The following SDK1 variants were observed in gnomAD, a reference collection of about 807,000 sequenced individuals.
SDK1 encodes protein sidekick-1.
In SDK1, 157 loss-of-function variants were observed where a neutral mutation model predicts 245.5. That is an observed-to-expected ratio of 0.64 (90% CI 0.56 to 0.73). The LOEUF (loss-of-function observed/expected upper bound fraction) is 0.73. Ranked by LOEUF, SDK1 falls within the 30% of genes least tolerant of loss-of-function variation. SDK1 has a pLI of 0.00. For missense variants in SDK1, 3,583 were observed against 3,002.3 expected (o/e 1.19, Z -4.52); for synonymous variants, 1,647 against 1,278.5 (o/e 1.29, Z -6.15).
chr7:3,509,437 C>A (rs1457137116), intron 1 of SDK1, among the ~76,000 whole-genome samples: 2 of 152,180 alleles, frequency 1.3e-5, no homozygotes, highest in Admixed American at 1.3e-4. Flanking sequence ...TGATAATACA[C>A]ACCTTCTTAG....
intron 4 of SDK1, among the ~76,000 whole-genome samples, chr7:3,820,019 C>G (rs1779604805): frequency 6.6e-6 from 1 of 152,156 alleles, no homozygotes; most frequent in Non-Finnish European, 1.5e-5. Flanking sequence ...ACACAACTCA[C>G]TCTAGAGACC....
intron 28 of SDK1, among the ~76,000 whole-genome samples, chr7:4,140,626 C>T (rs889193528): frequency 6.6e-6 from 1 of 152,152 alleles, no homozygotes; most frequent in Non-Finnish European, 1.5e-5. Flanking sequence ...GGGCTCGATG[C>T]CGAGGGACCC....
Position 3,969,292 on chromosome 7 carries a change from C to G in SDK1, c.1582C>G (p.Pro528Ala). The change falls in exon 11 of 45, where the codon CCT (proline) becomes GCT (alanine). Residue 528 changes from proline to alanine, a missense_variant. Pro to Ala is a conservative substitution (Grantham distance 27). Transcript: ENST00000404826. Reference protein sequence around the residue: ...HILASGSVRIPRFMLLESGGL... With the variant: ...HILASGSVRIARFMLLESGGL... Reference sequence around the variant, plus strand: ...TCTGGCCAGTGGCTCTGTCCGGATTCCTAGGTTCATGCTTCTTGAATCGGG... The same window carrying G: ...TCTGGCCAGTGGCTCTGTCCGGATTGCTAGGTTCATGCTTCTTGAATCGGG... The G allele has an allele frequency of 1.2e-6, 2 of 1,609,926 alleles. No homozygotes were observed. The highest frequency in any genetic ancestry group is 8.5e-7 in the Non-Finnish European group (1 of 1,178,186).
intron 13 of SDK1, 151 bp from the exon 14 acceptor site, chr7:3,987,035 G>A (rs755710009): frequency 1.4e-6 from 1 of 716,608 alleles, no homozygotes; most frequent in African/African-American, 1.8e-5. Context: ...TTTTCTGGGG[G>A]GAAGAGAGTT....
chr7:4,001,112 C>T (rs1241069993), intron 14 of SDK1, among the ~76,000 whole-genome samples: 2 of 152,152 alleles, frequency 1.3e-5, no homozygotes, highest in Admixed American at 6.5e-5. Flanking sequence ...TAACTTCCTG[C>T]GTGGGAGTGC....
chr7:4,104,955 C>A (rs1047354304), intron 22 of SDK1, among the ~76,000 whole-genome samples: 1 of 151,954 alleles, frequency 6.6e-6, no homozygotes, highest in Admixed American at 6.6e-5. Flanking sequence ...GATCCTCCTG[C>A]CATGTCTCCC....
At chr7:3,420,758 T>G (rs919969728) in intron 1 of SDK1, among the ~76,000 whole-genome samples, 1 of 152,186 alleles carries the variant, frequency 6.6e-6, no homozygotes, top group Non-Finnish European at 1.5e-5. Flanking sequence ...TTTTTAAAAT[T>G]TAATTTTAAG....
At chr7:3,321,179 TA>T (rs1273624508) in intron 1 of SDK1, among the ~76,000 whole-genome samples, 27 of 152,194 alleles carry the variant, frequency 1.8e-4, no homozygotes, top group Non-Finnish European at 2.2e-4. Flanking sequence ...AAAAATCCTT[TA>T]AAAAATTCAC....
rs557845855 is a variant in SDK1, at chr7:3,641,987, A to G, written c.595A>G (p.Arg199Gly). 11 of 1,614,082 alleles carry G rather than the reference A, an allele frequency of 6.8e-6. No homozygotes were observed. In the South Asian group the frequency reaches 9.9e-5, roughly 15 times the overall value. ...YMGSFMDTDQ[R>G]KTVSQGRAAI... Reference sequence around the variant, plus strand: ...GGGAAGTTTCATGGATACGGACCAGAGGAAAACAGTTTCTCAAGGACGTGC... The same window carrying G: ...GGGAAGTTTCATGGATACGGACCAGGGGAAAACAGTTTCTCAAGGACGTGC... Residue 199 changes from arginine (R) to glycine (G), a missense_variant, in exon 4 of 45, where the codon AGG becomes GGG. Coordinates refer to ENST00000404826, the MANE Select transcript of SDK1 (RefSeq NM_152744.4).
intron 4 of SDK1, among the ~76,000 whole-genome samples, chr7:3,803,865 C>T (rs1188565526): frequency 2.7e-5 from 4 of 146,752 alleles, no homozygotes; most frequent in South Asian, 2.2e-4. Context: ...CCCATGTTCA[C>T]GCCATTCTCC....
At chr7:3,889,789 T>G (rs887420126) in intron 5 of SDK1, among the ~76,000 whole-genome samples, 12 of 152,172 alleles carry the variant, frequency 7.9e-5, no homozygotes, top group African/African-American at 1.2e-4. Context: ...ATTACAGGCA[T>G]GAGCCATCGT....
intron 1 of SDK1, among the ~76,000 whole-genome samples, chr7:3,355,952 T>G (rs1780782301): frequency 6.6e-6 from 1 of 152,184 alleles, no homozygotes; most frequent in South Asian, 2.1e-4. Context: ...TCATGGTATT[T>G]CTCCAGCTTG....
chr7:3,374,342 C>A (rs1781302025), intron 1 of SDK1, among the ~76,000 whole-genome samples: 1 of 152,206 alleles, frequency 6.6e-6, no homozygotes, highest in Non-Finnish European at 1.5e-5. Flanking sequence ...GGAGGACTCA[C>A]TGTCATCAGA....
intron 1 of SDK1, among the ~76,000 whole-genome samples, chr7:3,508,178 T>C (rs1014909971): frequency 7.0e-6 from 1 of 142,264 alleles, no homozygotes; most frequent in Non-Finnish European, 1.5e-5. Flanking sequence ...GAAGCTGGTG[T>C]TTTCTGAATA....
chr7:3,991,256 G>T (rs749758978), intron 14 of SDK1, among the ~76,000 whole-genome samples: 1 of 152,140 alleles, frequency 6.6e-6, no homozygotes, highest in Admixed American at 6.5e-5. Context: ...ACAACTGCCC[G>T]TGAGATGGGG....
At chr7:3,457,145 G>A (rs1439472788) in intron 1 of SDK1, among the ~76,000 whole-genome samples, 1 of 152,112 alleles carries the variant, frequency 6.6e-6, no homozygotes, top group Non-Finnish European at 1.5e-5. Flanking sequence ...TTACTTGGGT[G>A]TCGTTACTGG....
intron 1 of SDK1, among the ~76,000 whole-genome samples, chr7:3,580,984 A>AAAAAAAAAAAAAAAAAAAAAAAC (rs1562578308): frequency 4.3e-5 from 6 of 139,390 alleles, no homozygotes; most frequent in African/African-American, 1.6e-4. Flanking sequence ...AAAAAAAAAA[A>AAAAAAAAAAAAAAAAAAAAAAAC]AAAAAAAAAA....
intron 4 of SDK1, among the ~76,000 whole-genome samples, chr7:3,699,416 G>T (rs118093279): frequency 6.6e-6 from 1 of 152,068 alleles, no homozygotes; most frequent in Non-Finnish European, 1.5e-5. Context: ...CAAAGCAATC[G>T]AAAGTCTCAG....
intron 1 of SDK1, among the ~76,000 whole-genome samples, chr7:3,496,031 C>T (rs1583950111): frequency 6.6e-6 from 1 of 152,316 alleles, no homozygotes; most frequent in East Asian, 1.9e-4. Context: ...TTGTAAAACA[C>T]ACTTAAGTGA....
Sources: allele counts gnomAD v4.1 joint callset (sites outside exome capture counted in the v4.1 genomes callset), GRCh38; gene constraint gnomAD v4.1.1; transcripts MANE v1.5; gene names NCBI Gene and HGNC (gene_info 2026-07-23, HGNC 2026-07-21).